DNAH10: variants seen among roughly 807,000 people sequenced by gnomAD.
The protein encoded by DNAH10 is dynein axonemal heavy chain 10.
A neutral mutation model predicts 506.6 loss-of-function variants in DNAH10; 348 were observed. That is an observed-to-expected ratio of 0.69 (90% CI 0.63 to 0.75). DNAH10 has a LOEUF of 0.75. DNAH10 is among the 30% of genes least tolerant of loss of function. The pLI is 0.00. For missense variants in DNAH10, 5,179 were observed against 5,787.1 expected (o/e 0.89, Z 3.41); for synonymous variants, 2,059 against 2,198.6 (o/e 0.94, Z 1.78).
At chr12:123,865,172 A>G (rs1165289235) in intron 40 of DNAH10, among the ~76,000 whole-genome samples, 1 of 152,210 alleles carries the variant, frequency 6.6e-6, no homozygotes, top group African/African-American at 2.4e-5. Context: ...CTACGATTAC[A>G]TTTACTTTCT....
intron 43 of DNAH10, 47 bp from the exon 44 acceptor site, chr12:123,870,319 A>G: frequency 6.3e-7 from 1 of 1,589,962 alleles, no homozygotes; most frequent in Non-Finnish European, 8.6e-7. Flanking sequence ...CTGCTTTTGT[A>G]TTTCCGTGTT....
At chr12:123,788,040 A>G (rs1386556992) in intron 10 of DNAH10, 38 bp downstream of exon 10, 2 of 1,550,954 alleles carry the variant, frequency 1.3e-6, no homozygotes, top group Non-Finnish European at 1.7e-6. Flanking sequence ...TTTGCCCCGA[A>G]GAAGGCAGTT....
At chr12:123,929,527 G>A in intron 71 of DNAH10, 43 bp downstream of exon 71, 2 of 1,595,052 alleles carry the variant, frequency 1.3e-6, no homozygotes, top group Middle Eastern at 1.7e-4. Flanking sequence ...TCCTTAGGCG[G>A]CCCACTTCCT....
rs1392726903 is a variant in DNAH10, at chr12:123,787,130, C to T, written c.1422-674C>T. On this transcript the variant is annotated intron_variant, in intron 9 of 78. Coordinates refer to ENST00000673944, the MANE Select transcript of DNAH10 (RefSeq NM_001372106.1). This position sits in a 1 kb window ranked among gnomAD's most constrained non-coding sequence, Gnocchi z 4.6. ...TATCTGTATCTATATCATCATCTAG[C>T]GATCTATCTAGATAGACAGATCTAT... Among the ~76,000 whole-genome samples, 3 of 152,056 alleles carry T rather than the reference C, an allele frequency of 2.0e-5. No homozygotes were observed. Among genetic ancestry groups the T allele is most frequent in the Admixed American group, 6.5e-5 (1 of 15,270 alleles).
intron 56 of DNAH10, among the ~76,000 whole-genome samples, chr12:123,899,298 G>T (rs556059877): frequency 9.5e-4 from 144 of 152,164 alleles, no homozygotes; most frequent in Non-Finnish European, 1.6e-3. Flanking sequence ...CTCTCGCGAT[G>T]CCTGGCACAG....
At chr12:123,806,806 T>C (rs1433742159) in intron 18 of DNAH10, among the ~76,000 whole-genome samples, 1 of 151,454 alleles carries the variant, frequency 6.6e-6, no homozygotes, top group Admixed American at 6.6e-5. Flanking sequence ...CTTGCTCTGT[T>C]GCCCAGGCTG....
chr12:123,801,607 G>A (rs1204537664), intron 16 of DNAH10, among the ~76,000 whole-genome samples, 175 bp downstream of exon 16: 1 of 152,194 alleles, frequency 6.6e-6, no homozygotes, highest in African/African-American at 2.4e-5. Context: ...TCGTTGGGAT[G>A]AAGATAAGAG....
chr12:123,889,647 G>C (rs1419156603), intron 52 of DNAH10, among the ~76,000 whole-genome samples: 1 of 152,194 alleles, frequency 6.6e-6, no homozygotes, highest in Non-Finnish European at 1.5e-5. Context: ...GACAGGGAAG[G>C]CGTCACTGTA....
chr12:123,861,526 C>T (rs927634652), intron 39 of DNAH10, among the ~76,000 whole-genome samples: 1 of 152,204 alleles, frequency 6.6e-6, no homozygotes, highest in African/African-American at 2.4e-5. Flanking sequence ...CTGATCACCA[C>T]GTTCTATGGC....
In DNAH10 at chr12:123,924,398, A is replaced by G; in HGVS notation, c.11732A>G (p.Asp3911Gly). The G allele has an allele frequency of 6.2e-7, 1 of 1,613,718 alleles. No homozygotes were observed. Among genetic ancestry groups the G allele is most frequent in the East Asian group, 2.2e-5 (1 of 44,880 alleles). ...TCAGACAACTTTGGGCAACTTCCTGATGATGTTGAGAATAATCAGACTGTC... is the reference window on the plus strand; with the variant it reads ...TCAGACAACTTTGGGCAACTTCCTGGTGATGTTGAGAATAATCAGACTGTC... ...MFSDNFGQLP[D>G]DVENNQTVWQ... is the part of the protein sequence containing the mutation. The change falls in exon 67 of 79, where the codon GAT (aspartate) becomes GGT (glycine). Residue 3911 changes from aspartate (D) to glycine (G), a missense_variant. By Grantham distance (94) the Asp-to-Gly change is moderately conservative. Coordinates refer to ENST00000673944, the MANE Select transcript of DNAH10 (RefSeq NM_001372106.1).
chr12:123,854,387 T>A (rs1019955103), intron 36 of DNAH10, among the ~76,000 whole-genome samples: 1 of 151,934 alleles, frequency 6.6e-6, no homozygotes, highest in Middle Eastern at 3.2e-3. Flanking sequence ...CGAAGAAGAG[T>A]GAGGCCGTTT....
intron 51 of DNAH10, among the ~76,000 whole-genome samples, chr12:123,886,862 C>T (rs936136582): frequency 2.0e-5 from 3 of 152,224 alleles, no homozygotes; most frequent in Non-Finnish European, 2.9e-5. Context: ...CTGTGTGCGT[C>T]TTCCCACAGG....
At chr12:123,889,269 T>C (rs1952873082) in intron 52 of DNAH10, among the ~76,000 whole-genome samples, 1 of 152,250 alleles carries the variant, frequency 6.6e-6, no homozygotes, top group African/African-American at 2.4e-5. Flanking sequence ...TTTTGTTTAG[T>C]GTTTTCTTTT....
At chr12:123,826,051 G>A (rs927106262) in intron 24 of DNAH10, among the ~76,000 whole-genome samples, 1 of 152,206 alleles carries the variant, frequency 6.6e-6, no homozygotes, top group Admixed American at 6.5e-5. Flanking sequence ...TTGAGGCCAG[G>A]AGGTTGAGGC....
At chr12:123,865,347 C>G (rs895072387) in intron 40 of DNAH10, among the ~76,000 whole-genome samples, 7 of 152,092 alleles carry the variant, frequency 4.6e-5, no homozygotes, top group Admixed American at 6.6e-5. Context: ...AGCCCTCTAT[C>G]TCTTAGGATA....
Position 123,933,378 on chromosome 12 carries a change from C to T in DNAH10, c.13344C>T (p.Ile4448=), listed in dbSNP as rs751949192. Residue 4448 remains isoleucine, a synonymous_variant, in exon 77 of 79, where the codon ATC becomes ATT. Coordinates refer to ENST00000673944, the MANE Select transcript of DNAH10 (RefSeq NM_001372106.1). ...TGATGTGGCTCTCGGGGCTGCACAT[C>T]CCTGAGTCCTACCTCACGGCGCTGG... ...PSVMWLSGLH[I]PESYLTALVQ... is the part of the protein sequence containing the mutation. 6.2e-6 allele frequency: 10 copies of T among 1,610,226 alleles called. No homozygotes were observed. The highest frequency in any genetic ancestry group is 8.5e-6 in the Non-Finnish European group (10 of 1,179,174).
Position 123,903,263 on chromosome 12 carries a change from CCT to C in DNAH10, c.9815+152_9815+153del. 4.3e-6 allele frequency: 5 copies of C among 1,166,334 alleles called. No individual in the cohort carries two copies. Among genetic ancestry groups the C allele is most frequent in the Non-Finnish European group, 5.8e-6 (5 of 862,018 alleles). 72.2% of individuals were successfully genotyped at this position (1,166,334 alleles called of 1,614,324 possible). On this transcript the variant is annotated intron_variant, in intron 57 of 78. Transcript: ENST00000673944. The surrounding 1 kb of genome is among the most constrained non-coding windows in gnomAD (Gnocchi z 4.6). ...TCTCCATGGTGGAGACTGTTGTTGC[CCT>C]CATTTTCGGATGGGGAAAATGAGGC...
chr12:123,859,798 C>T (rs1210329591), intron 38 of DNAH10, among the ~76,000 whole-genome samples: 1 of 152,056 alleles, frequency 6.6e-6, no homozygotes, highest in Non-Finnish European at 1.5e-5. Context: ...CTTTGGGAGG[C>T]CTGGGTGGGA....
chr12:123,785,443 G>A lies in DNAH10; in HGVS notation c.1231-303G>A, dbSNP rs536325596. On this transcript the variant is annotated intron_variant, in intron 8 of 78. Coordinates refer to ENST00000673944, the MANE Select transcript of DNAH10 (RefSeq NM_001372106.1). This position sits in a 1 kb window ranked among gnomAD's most constrained non-coding sequence, Gnocchi z 4.1. ...GATTAAAAAAAGTCTGCTCACCTGG[G>A]CAACATAGTGCGACCTCATCTCTAC... is the stretch of plus-strand genomic sequence containing the variant. 1.3e-5 allele frequency among the ~76,000 whole-genome samples: 2 copies of A among 152,086 alleles called. No individual in the cohort carries two copies. The highest frequency in any genetic ancestry group is 3.9e-4 in the East Asian group (2 of 5,180).
Sources: gnomAD v4.1 joint callset for allele counts (sites outside exome capture counted in the v4.1 genomes callset) on GRCh38, gnomAD v4.1.1 for gene constraint, Gnocchi (gnomAD v3.1) non-coding constraint, MANE v1.5 for transcripts, NCBI Gene and HGNC (gene_info 2026-07-23, HGNC 2026-07-21) for gene names.